ZPBP2: variants seen among roughly 807,000 people sequenced by gnomAD.
The protein encoded by ZPBP2 is zona pellucida-binding protein 2.
ZPBP2 carries 34 observed loss-of-function variants against 37.5 expected under a neutral mutation model. The ratio of observed to expected loss-of-function variants is 0.91; its 90% CI spans 0.69 to 1.21. The LOEUF (loss-of-function observed/expected upper bound fraction) is 1.21. Among genes scored for constraint, ZPBP2 ranks in the 50% most tolerant of loss-of-function variants. The pLI is 0.00. For missense variants in ZPBP2, 397 were observed against 413.5 expected (o/e 0.96, Z 0.35); for synonymous variants, 143 against 138.4 (o/e 1.03, Z -0.23).
intron 6 of ZPBP2, among the ~76,000 whole-genome samples, chr17:39,874,865 C>G (rs1159035730): frequency 6.6e-6 from 1 of 152,262 alleles, no homozygotes; most frequent in Non-Finnish European, 1.5e-5. Flanking sequence ...ATTCTCCTGC[C>G]TCAGCCTCCT....
rs1230031296 is a variant in ZPBP2, at chr17:39,872,415, G to T, written c.552G>T (p.Glu184Asp). 1 of 1,613,422 alleles carries T rather than the reference G, an allele frequency of 6.2e-7. No individual in the cohort carries two copies. ...CTGATTTGTCATGCCATGTCATAGA[G>T]CCATCATATAAATGCCATTCTGTTG... ...LISDLSCHVIEPSYKCHSVEI... is the reference protein window; with the variant it reads ...LISDLSCHVIDPSYKCHSVEI... The change falls in exon 5 of 8, where the codon GAG becomes GAT. Residue 184 changes from glutamate (E) to aspartate (D), a missense_variant. Coordinates refer to ENST00000348931, the MANE Select transcript of ZPBP2 (RefSeq NM_199321.3).
At chr17:39,870,287 G>A (rs546426530) in intron 2 of ZPBP2, among the ~76,000 whole-genome samples, 38 of 151,502 alleles carry the variant, frequency 2.5e-4, no homozygotes, top group Admixed American at 9.2e-4. Flanking sequence ...CAAGCGATCC[G>A]CTCCCTCGGC....
chr17:39,873,668 T>TC (rs1358160066), intron 6 of ZPBP2, among the ~76,000 whole-genome samples: 1 of 152,150 alleles, frequency 6.6e-6, no homozygotes, highest in Non-Finnish European at 1.5e-5. Context: ...TGGTCTTTGT[T>TC]CCCCAAATGA....
rs1446363284 is a variant in ZPBP2 at position 39,873,083 on chromosome 17, G to A, written c.665G>A (p.Gly222Glu). Residue 222 changes from glycine (G) to glutamate (E), a missense_variant, in exon 6 of 8, where the codon GGA becomes GAA. Transcript: ENST00000348931. The part of the protein sequence containing the change: ...FAPGWKGACN[G>E]SVDCEDTTNH... ...CCGGGGTGGAAAGGTGCTTGCAATG[G>A]ATCTGTTGACTGTGAAGATACCACT... 2 of 1,611,960 alleles carry A rather than the reference G, an allele frequency of 1.2e-6. No homozygotes were observed. The highest frequency in any genetic ancestry group is 2.2e-5 in the East Asian group (1 of 44,728).
At chr17:39,872,621 T>C in intron 5 of ZPBP2, 133 bp downstream of exon 5, 1 of 620,352 alleles carries the variant, frequency 1.6e-6, no homozygotes, top group Middle Eastern at 4.4e-4. Flanking sequence ...AGTATGTAGT[T>C]GACCTTAGCC....
intron 6 of ZPBP2, among the ~76,000 whole-genome samples, chr17:39,874,335 G>A (rs918756045): frequency 5.9e-5 from 9 of 151,448 alleles, no homozygotes; most frequent in African/African-American, 2.2e-4. Context: ...CTTTTTCTTT[G>A]ATGATCATGG....
rs1273471912 is a variant in ZPBP2, at chr17:39,877,748, A to G, written c.*939A>G. 2 of 152,164 alleles carry G rather than the reference A, an allele frequency of 1.3e-5. No homozygotes were observed. The highest frequency in any genetic ancestry group is 2.9e-5 in the Non-Finnish European group (2 of 68,028). 9.4% of individuals were successfully genotyped at this position (152,164 alleles called of 1,614,324 possible). ...AGCAATATGCATTTAAGGTTCCTCC[A>G]TGTCTTTTTGTGACTTGATAGCTCA... On this transcript the variant is annotated 3_prime_UTR_variant, in exon 8 of 8. Coordinates refer to ENST00000348931, the MANE Select transcript of ZPBP2 (RefSeq NM_199321.3).
intron 6 of ZPBP2, among the ~76,000 whole-genome samples, chr17:39,873,759 A>G (rs981865471): frequency 1.9e-4 from 29 of 152,218 alleles, no homozygotes; most frequent in African/African-American, 6.5e-4. Context: ...AATTATATCT[A>G]TATTGGTCAT....
At position 39,873,085 on chromosome 17, in the gene ZPBP2, T is replaced by C; in HGVS notation, c.667T>C (p.Ser223Pro). 1.2e-6 allele frequency: 2 copies of C among 1,612,282 alleles called. No homozygotes were observed. Among genetic ancestry groups the C allele is most frequent in the Non-Finnish European group, 1.7e-6 (2 of 1,179,250 alleles). The change falls in exon 6 of 8, where the codon TCT becomes CCT. Residue 223 changes from serine (S) to proline (P), a missense_variant. Transcript: ENST00000348931. ...APGWKGACNG[S>P]VDCEDTTNHN... is the part of the protein sequence containing the mutation. ...GGGGTGGAAAGGTGCTTGCAATGGATCTGTTGACTGTGAAGATACCACTAA... is the reference window on the plus strand; with the variant it reads ...GGGGTGGAAAGGTGCTTGCAATGGACCTGTTGACTGTGAAGATACCACTAA...
rs1478389400 is a variant in ZPBP2, at chr17:39,868,252, C to G, written c.-103C>G. ...GGACGGGTAGGGGAGGCGACCCCGG[C>G]GTTCTGCTCCGCACTGTGGAGGAGG... On this transcript the variant is annotated 5_prime_UTR_variant, in exon 1 of 8. Transcript: ENST00000348931. The G allele has an allele frequency of 7.5e-7, 1 of 1,335,260 alleles. No individual in the cohort carries two copies. The highest frequency in any genetic ancestry group is 1.0e-6 in the Non-Finnish European group (1 of 976,266). 82.7% of individuals were successfully genotyped at this position (1,335,260 alleles called of 1,614,324 possible).
intron 6 of ZPBP2, among the ~76,000 whole-genome samples, 153 bp from the exon 7 acceptor site, chr17:39,875,101 G>T (rs1423988267): frequency 6.6e-6 from 1 of 152,190 alleles, no homozygotes; most frequent in Non-Finnish European, 1.5e-5. Context: ...TAAGGTCAAA[G>T]CTAACTAATT....
At chr17:39,875,047 C>G (rs763051450) in intron 6 of ZPBP2, among the ~76,000 whole-genome samples, 1 of 152,240 alleles carries the variant, frequency 6.6e-6, no homozygotes, top group African/African-American at 2.4e-5. Flanking sequence ...CCGCTCCCAG[C>G]CAATTTTTCT....
At chr17:39,875,148 C>T (rs1374000206) in intron 6 of ZPBP2, 106 bp from the exon 7 acceptor site, 5 of 1,025,520 alleles carry the variant, frequency 4.9e-6, no homozygotes, top group African/African-American at 3.2e-5. Context: ...AATTTATCTA[C>T]GTTAAGTATG....
chr17:39,875,476 G>T (rs754136948), intron 7 of ZPBP2, 42 bp downstream of exon 7: 8 of 1,413,522 alleles, frequency 5.7e-6, no homozygotes, highest in Non-Finnish European at 7.6e-6. Flanking sequence ...AGGTTATAGA[G>T]TCAGAAGAAT....
chr17:39,875,522 C>A (rs2063385505), intron 7 of ZPBP2, 88 bp downstream of exon 7: 1 of 978,880 alleles, frequency 1.0e-6, no homozygotes, highest in Non-Finnish European at 1.4e-6. Flanking sequence ...TGAATAGAAT[C>A]TTTACAGTGA....
chr17:39,874,610 T>C (rs1217260310), intron 6 of ZPBP2, among the ~76,000 whole-genome samples: 1 of 151,942 alleles, frequency 6.6e-6, no homozygotes, highest in Non-Finnish European at 1.5e-5. Context: ...TTTTGTATTT[T>C]TTATTAGAGA....
At chr17:39,872,604 G>A (rs112561568) in intron 5 of ZPBP2, 116 bp downstream of exon 5, 22,710 of 703,858 alleles carry the variant, frequency 0.032, 456 homozygotes, top group Non-Finnish European at 0.04. Flanking sequence ...TGTTTGTTAA[G>A]CACTAAAGTA....
chr17:39,872,555 A>C, intron 5 of ZPBP2, 67 bp downstream of exon 5: 7 of 1,021,834 alleles, frequency 6.9e-6, no homozygotes, highest in Non-Finnish European at 9.6e-6. Context: ...CAAAATTACC[A>C]TATTAATATA....
intron 3 of ZPBP2, 35 bp from the exon 4 acceptor site, chr17:39,871,422 GATATGTT>G: frequency 7.2e-7 from 1 of 1,390,992 alleles, no homozygotes. Flanking sequence ...AATAATGCTT[GATATGTT>G]ATATGTTAAA....
Sources: gnomAD v4.1 joint callset for allele counts (sites outside exome capture counted in the v4.1 genomes callset) on GRCh38, gnomAD v4.1.1 for gene constraint, MANE v1.5 for transcripts, NCBI Gene and HGNC (gene_info 2026-07-23, HGNC 2026-07-21) for gene names.